Variants in PIEZO1 observed in about 807,000 individuals in gnomAD.
PIEZO1 encodes the protein piezo type mechanosensitive ion channel component 1 (Er blood group).
PIEZO1 carries 296 observed loss-of-function variants against 297.2 expected under a neutral mutation model. The ratio of observed to expected loss-of-function variants is 1.00; its 90% confidence interval spans 0.91 to 1.10. The LOEUF (loss-of-function observed/expected upper bound fraction) is 1.10. PIEZO1 is among the 50% of genes least tolerant of loss of function. The probability of loss-of-function intolerance (pLI) is 0.00; values close to 1 mark genes in which losing one functional copy is unlikely to be tolerated. For synonymous variants in PIEZO1, 2,427 were observed against 1,507.5 expected, an observed-to-expected ratio of 1.61 and a Z score of -14.13; for missense variants, 5,018 against 3,455.5, an observed-to-expected ratio of 1.45 and a Z score of -11.34.
chr16:88,717,631 G>A (rs775643512), intron 44 of PIEZO1: 12 of 458,298 alleles, frequency 2.6e-5, no homozygotes, highest in South Asian at 1.4e-4. Context: ...TTTGGCGAAG[G>A]AAACAAAGTA....
chr16:88,731,247 C>T lies in PIEZO1; in HGVS notation c.3196+459G>A, dbSNP rs74633546. ...TGGCCACAAAGAAGGGTGCTGAGGCCGGGGCTGTTTGAATGCAGAGGACAC... is the reference window on the plus strand; with the variant it reads ...TGGCCACAAAGAAGGGTGCTGAGGCTGGGGCTGTTTGAATGCAGAGGACAC... On this transcript the variant is annotated intron_variant, in intron 22 of 50. Coordinates refer to ENST00000301015, the MANE Select transcript of PIEZO1 (RefSeq NM_001142864.4). 52 of 185,344 alleles carry T rather than the reference C, an allele frequency of 2.8e-4. 1 individual carries two copies. The East Asian group carries it at 6.3e-3, about 23-fold the overall frequency. 11.5% of individuals were successfully genotyped at this position (185,344 alleles called of 1,614,324 possible).
rs755976907 is a variant in PIEZO1 at position 88,721,659 on chromosome 16, C to T, written c.5282G>A (p.Arg1761Gln). 1.2e-4 allele frequency: 190 copies of T among 1,549,932 alleles called. No individual in the cohort carries two copies. The highest frequency in any genetic ancestry group is 7.1e-4 in the South Asian group (60 of 84,064). Residue 1761 changes from arginine to glutamine, a missense_variant, in exon 38 of 51, where the codon CGG becomes CAG. Transcript: ENST00000301015. Reference sequence around the variant, plus strand: ...GAAGTAGGGCTTGTTCTCGTAGCGCCGCAGCACCACGTGGCTGTTCCAGGG... The same window carrying T: ...GAAGTAGGGCTTGTTCTCGTAGCGCTGCAGCACCACGTGGCTGTTCCAGGG... ...FFPWNSHVVL[R>Q]RYENKPYFPP...
rs546147994 is a variant in PIEZO1 at position 88,723,937 on chromosome 16, G to A, written c.4269C>T (p.Ser1423=). ...IHSGDYFLFE[S]DSEEEEEAVP... Reference sequence around the variant, plus strand: ...CAGCCTCCTCCTCTTCCTCACTGTCGGACTCAAACAGGAAGTAGTCCCCGG... The same window carrying A: ...CAGCCTCCTCCTCTTCCTCACTGTCAGACTCAAACAGGAAGTAGTCCCCGG... The change falls in exon 31 of 51, where the codon TCC becomes TCT. Residue 1423 remains serine (S), a synonymous_variant. Coordinates refer to ENST00000301015, the MANE Select transcript of PIEZO1 (RefSeq NM_001142864.4). The A allele has an allele frequency of 2.1e-4, 328 of 1,549,402 alleles. No homozygotes were observed. The highest frequency in any genetic ancestry group is 2.7e-4 in the Non-Finnish European group (304 of 1,146,076).
chr16:88,722,727 C>T, intron 34 of PIEZO1, 38 bp from the exon 35 acceptor site: 1 of 1,531,666 alleles, frequency 6.5e-7, no homozygotes, highest in South Asian at 1.2e-5. Context: ...CTGCGTCCAG[C>T]TCTTGTCCCC....
intron 2 of PIEZO1, among the ~76,000 whole-genome samples, chr16:88,746,849 C>T (rs1007338165): frequency 7.2e-5 from 11 of 152,218 alleles, no homozygotes; most frequent in South Asian, 2.1e-4. Flanking sequence ...GAAATATTTA[C>T]GGAACAAACG....
chr16:88,732,136 C>G (rs1461274892), intron 21 of PIEZO1, among the ~76,000 whole-genome samples, 199 bp downstream of exon 21: 2 of 151,932 alleles, frequency 1.3e-5, no homozygotes, highest in African/African-American at 2.4e-5. Context: ...TAGAGCAGAT[C>G]TAACTTGGCC....
At chr16:88,730,794 G>C (rs1344359163) in intron 22 of PIEZO1, among the ~76,000 whole-genome samples, 2 of 152,230 alleles carry the variant, frequency 1.3e-5, no homozygotes, top group Non-Finnish European at 2.9e-5. Flanking sequence ...CAGCAGAGGG[G>C]AGGCCCAGGG....
At chr16:88,761,914 A>G (rs1354349465) in intron 1 of PIEZO1, among the ~76,000 whole-genome samples, 1 of 152,184 alleles carries the variant, frequency 6.6e-6, no homozygotes, top group Admixed American at 6.5e-5. Context: ...ATTCCAGGGC[A>G]TGGGTGAGGC....
rs553614787 is a variant in PIEZO1 at position 88,734,943 on chromosome 16, C to T, written c.1780G>A (p.Ala594Thr). ...ATCTTGTAGACCACGAGGCGGCCGG[C>T]GAAGCTGACCACGATGAACATGCCA... ...CAGMFIVVSF[A>T]GRLVVYKIVY... Residue 594 changes from alanine (A) to threonine (T), a missense_variant, in exon 14 of 51, where the codon GCC becomes ACC. Physicochemically the swap from Ala to Thr is moderately conservative, Grantham distance 58 (BLOSUM62 0). Coordinates refer to ENST00000301015, the MANE Select transcript of PIEZO1 (RefSeq NM_001142864.4). The T allele has an allele frequency of 5.2e-6, 8 of 1,550,500 alleles. No individual in the cohort carries two copies. The highest frequency in any genetic ancestry group is 2.7e-5 in the African/African-American group (2 of 73,194).
chr16:88,725,888 C>G (rs947852337), intron 27 of PIEZO1: 11 of 585,974 alleles, frequency 1.9e-5, no homozygotes, highest in Admixed American at 1.6e-4. Flanking sequence ...CGTACAGATG[C>G]AGGGGCGTCT....
intron 10 of PIEZO1, 179 bp from the exon 11 acceptor site, chr16:88,736,918 G>A (rs1350525343): frequency 4.0e-6 from 2 of 503,756 alleles, no homozygotes; most frequent in Admixed American, 7.5e-5. Context: ...GAGCGTCAGG[G>A]ATGGCCCTGC....
chr16:88,738,299 T>C lies in PIEZO1; in HGVS notation c.776A>G (p.His259Arg), dbSNP rs1179652748. Residue 259 changes from histidine (H) to arginine (R), a missense_variant, in exon 7 of 51, where the codon CAT becomes CGT. His to Arg is a conservative substitution (Grantham distance 29). Transcript: ENST00000301015. ...CTGGTAGCAGTAGAGGCAGATGAGATGGCCGGCGCCGAAGCACCCCACCGC... is the reference window on the plus strand; with the variant it reads ...CTGGTAGCAGTAGAGGCAGATGAGACGGCCGGCGCCGAAGCACCCCACCGC... ...CVAVGCFGAG[H>R]LICLYCYQMP... 1.3e-6 allele frequency: 2 copies of C among 1,535,828 alleles called. No individual in the cohort carries two copies. Among genetic ancestry groups the C allele is most frequent in the Non-Finnish European group, 1.7e-6 (2 of 1,146,838 alleles).
intron 1 of PIEZO1, among the ~76,000 whole-genome samples, chr16:88,773,411 G>A (rs1234170892): frequency 6.6e-6 from 1 of 152,278 alleles, no homozygotes; most frequent in African/African-American, 2.4e-5. Flanking sequence ...GCTGGGGGCC[G>A]AGGGTCGGCA....
rs1160354976 is a variant in PIEZO1, at chr16:88,733,964, G to A, written c.2271C>T (p.Asp757=). The change falls in exon 17 of 51, where the codon GAC becomes GAT. Residue 757 remains aspartate (D), a synonymous_variant. Transcript: ENST00000301015. The part of the protein sequence containing the change: ...QQQEEEEEEE[D]SRDEGLGVAT... The stretch of plus-strand genomic sequence containing the variant: ...CCACGCCCAGCCCCTCGTCCCTGGA[G>A]TCCTCCTCCTCCTCCTCCTCCTCCT... 6.6e-7 allele frequency: 1 copy of A among 1,523,352 alleles called. No homozygotes were observed. Among genetic ancestry groups the A allele is most frequent in the Non-Finnish European group, 8.9e-7 (1 of 1,127,440 alleles). 94.4% of individuals were successfully genotyped at this position (1,523,352 alleles called of 1,614,324 possible).
At chr16:88,717,747 A>C in intron 44 of PIEZO1, 1 of 445,276 alleles carries the variant, frequency 2.2e-6, no homozygotes, top group Non-Finnish European at 4.5e-6. Context: ...TTAATTGATA[A>C]GGTTCTAGCA....
Position 88,737,441 on chromosome 16 carries a change from G to T in PIEZO1, c.1195+118C>A, listed in dbSNP as rs181528638. ...CGTGGATGTCCTGGGCCCCCGAGGG[G>T]GCGGCAGGCAGAGGTGCGGCGCGAG... On this transcript the variant is annotated intron_variant, in intron 10 of 50. Transcript: ENST00000301015. 9.5e-4 allele frequency: 641 copies of T among 673,604 alleles called. 7 individuals are homozygous for T. The African/African-American group carries it at 0.011, about 12-fold the overall frequency. 41.7% of individuals were successfully genotyped at this position (673,604 alleles called of 1,614,324 possible).
At chr16:88,734,562 C>A in intron 15 of PIEZO1, 24 bp from the exon 16 acceptor site, 1 of 1,543,286 alleles carries the variant, frequency 6.5e-7, no homozygotes. Flanking sequence ...GCATCAGCAC[C>A]GGCCCGGCCC....
chr16:88,731,994 T>C, intron 21 of PIEZO1, 84 bp from the exon 22 acceptor site: 1 of 6,672 alleles, frequency 1.5e-4, no homozygotes, highest in Non-Finnish European at 2.4e-4. Flanking sequence ...GGCCTCAGGC[T>C]TGCAGCAGCC....
At chr16:88,743,149 G>C (rs763019943) in intron 2 of PIEZO1, 16 of 455,838 alleles carry the variant, frequency 3.5e-5, no homozygotes, top group South Asian at 2.5e-4. Flanking sequence ...GGCCCCACTG[G>C]ACTCAGCCCC....
Sources: gnomAD v4.1 joint callset for allele counts (sites outside exome capture counted in the v4.1 genomes callset) on GRCh38, gnomAD v4.1.1 for gene constraint, MANE v1.5 for transcripts, NCBI Gene and HGNC (gene_info 2026-07-23, HGNC 2026-07-21) for gene names.